The following RYR2 variants were observed in gnomAD, a reference collection of about 807,000 sequenced individuals.
RYR2 encodes cardiac muscle ryanodine receptor-calcium release channel.
In RYR2, 227 loss-of-function variants were observed where a neutral mutation model predicts 601.1. The observed-to-expected ratio is 0.38, with a 90% confidence interval of 0.34 to 0.42. The LOEUF (loss-of-function observed/expected upper bound fraction) is 0.42, where lower values mean the gene tolerates loss of function less well. RYR2 is among the 10% of genes least tolerant of loss of function. The pLI is 1.00. For synonymous variants in RYR2, 2,223 were observed against 2,175.1 expected, an observed-to-expected ratio of 1.02 and a Z score of -0.61; for missense variants, 4,646 against 6,156.5, an observed-to-expected ratio of 0.75 and a Z score of 8.21.
At chr1:237,483,680 C>T (rs1038270495) in intron 17 of RYR2, among the ~76,000 whole-genome samples, 2 of 152,268 alleles carry the variant, frequency 1.3e-5, no homozygotes, top group African/African-American at 2.4e-5. Context: ...ATGCAAATGT[C>T]GTTCATGTTC....
chr1:237,787,861 A>C, intron 91 of RYR2, 127 bp from the exon 92 acceptor site: 1 of 871,860 alleles, frequency 1.1e-6, no homozygotes. Flanking sequence ...CATTCACCGG[A>C]AAAGAAATTA....
In RYR2 at chr1:237,660,830, G is replaced by C; in HGVS notation, c.8319G>C (p.Trp2773Cys). 6.5e-7 allele frequency: 1 copy of C among 1,543,378 alleles called. No homozygotes were observed. Among genetic ancestry groups the C allele is most frequent in the Non-Finnish European group, 8.8e-7 (1 of 1,142,116 alleles). Residue 2773 changes from tryptophan to cysteine, a missense_variant, in exon 56 of 105, where the codon TGG (tryptophan) becomes TGC (cysteine). Physicochemically the swap from Trp to Cys is radical, Grantham distance 215 (BLOSUM62 -2). Transcript: ENST00000366574. ...TCTAGGAAAAAGAAATTTATCGCTG[G>C]CCAATCAAAGAATCTTTAAAAACTA... ...LSEKEKEIYR[W>C]PIKESLKTML...
chr1:237,420,870 T>A (rs1325665487), intron 11 of RYR2, among the ~76,000 whole-genome samples: 1 of 151,192 alleles, frequency 6.6e-6, no homozygotes, highest in Non-Finnish European at 1.5e-5. Context: ...TTCATTGTTT[T>A]TCCAAATAAT....
chr1:237,365,957 T>C (rs1700160635), intron 5 of RYR2, among the ~76,000 whole-genome samples: 1 of 152,226 alleles, frequency 6.6e-6, no homozygotes, highest in Admixed American at 6.5e-5. Context: ...AGGCCAATAG[T>C]TATTTTCACA....
chr1:237,668,868 A>G (rs1684559760), intron 58 of RYR2, among the ~76,000 whole-genome samples: 1 of 152,148 alleles, frequency 6.6e-6, no homozygotes, highest in African/African-American at 2.4e-5. Context: ...AAGATTCCAC[A>G]TTTTATTTTT....
At chr1:237,391,878 A>G (rs1168339089) in intron 10 of RYR2, among the ~76,000 whole-genome samples, 1 of 152,108 alleles carries the variant, frequency 6.6e-6, no homozygotes, top group Non-Finnish European at 1.5e-5. Context: ...CTAAATATTT[A>G]TCTTTTTCTC....
At chr1:237,113,702 A>G (rs1383109713) in intron 1 of RYR2, among the ~76,000 whole-genome samples, 1 of 152,178 alleles carries the variant, frequency 6.6e-6, no homozygotes, top group African/African-American at 2.4e-5. Context: ...TTGTGAGAAA[A>G]GAGATAAGAA....
rs1553332440 is a variant in RYR2, at chr1:237,180,624, G to GTATATGTGTA, written c.49-89865_49-89856dup. ...TATATATATGTATATATGTATATATGTATATGTGTATATATGTATATGTAT... is the reference window on the plus strand; with the variant it reads ...TATATATATGTATATATGTATATATGTATATGTGTATATATGTGTATATATGTATATGTAT... On this transcript the variant is annotated intron_variant, in intron 1 of 104. Coordinates refer to ENST00000366574, the MANE Select transcript of RYR2 (RefSeq NM_001035.3). The surrounding 1 kb of genome is among the most constrained non-coding windows in gnomAD (Gnocchi z 5.3). Among the ~76,000 whole-genome samples, 68,803 of 122,928 alleles carry GTATATGTGTA rather than the reference G, an allele frequency of 0.56. 17,143 individuals carry two copies. The highest frequency in any genetic ancestry group is 0.62 in the Admixed American group (7,301 of 11,722). The allele number at this position is 122,928 out of a possible 152,430, so 80.6% of individuals were successfully genotyped here. A position where few individuals can be genotyped will look rare whatever the true frequency, so the allele number is the denominator to read the frequency against.
At chr1:237,659,098 T>C (rs986156723) in intron 54 of RYR2, among the ~76,000 whole-genome samples, 16 of 152,200 alleles carry the variant, frequency 1.1e-4, no homozygotes, top group Non-Finnish European at 2.2e-4. Context: ...CACCAAAGGT[T>C]GCTTCCAGAG....
At chr1:237,190,710 G>C (rs1679882906) in intron 1 of RYR2, among the ~76,000 whole-genome samples, 1 of 152,226 alleles carries the variant, frequency 6.6e-6, no homozygotes, top group Admixed American at 6.5e-5. Context: ...GTATACAGGA[G>C]AATGTGCATA....
intron 12 of RYR2, among the ~76,000 whole-genome samples, chr1:237,429,916 G>A (rs12123446): frequency 0.14 from 21,293 of 151,712 alleles, 1,721 homozygotes; most frequent in East Asian, 0.24. Context: ...TTGCAATAAA[G>A]ATTATTCTAT....
chr1:237,063,234 C>A (rs1021697634), intron 1 of RYR2, among the ~76,000 whole-genome samples: 1 of 152,222 alleles, frequency 6.6e-6, no homozygotes, highest in African/African-American at 2.4e-5. Flanking sequence ...TAATCTCACA[C>A]TTCCCAGCCT....
chr1:237,798,986 CAT>C (rs1340083084), intron 97 of RYR2, among the ~76,000 whole-genome samples: 2 of 152,144 alleles, frequency 1.3e-5, no homozygotes, highest in Non-Finnish European at 2.9e-5. Context: ...ACTTTGAAAA[CAT>C]ATTTCTGGTT....
chr1:237,594,552 A>C (rs1369506489), intron 33 of RYR2, among the ~76,000 whole-genome samples: 1 of 152,220 alleles, frequency 6.6e-6, no homozygotes, highest in African/African-American at 2.4e-5. Context: ...CAACAGTATA[A>C]GTAAAGAACT....
At chr1:237,177,627 T>C (rs895000860) in intron 1 of RYR2, among the ~76,000 whole-genome samples, 1 of 152,246 alleles carries the variant, frequency 6.6e-6, no homozygotes, top group African/African-American at 2.4e-5. Context: ...TTTATAGCTA[T>C]AGATCATTTA....
At chr1:237,081,438 A>G (rs924375941) in intron 1 of RYR2, among the ~76,000 whole-genome samples, 24 of 152,062 alleles carry the variant, frequency 1.6e-4, no homozygotes, top group South Asian at 1.3e-3. Flanking sequence ...CAGGTTCTAA[A>G]GGGACAACCA....
At chr1:237,066,011 C>G (rs1663563139) in intron 1 of RYR2, among the ~76,000 whole-genome samples, 1 of 152,198 alleles carries the variant, frequency 6.6e-6, no homozygotes, top group African/African-American at 2.4e-5. Flanking sequence ...CCCAACCAGA[C>G]CCCACCTCCA....
chr1:237,514,285 G>A (rs970838201), intron 24 of RYR2, among the ~76,000 whole-genome samples: 1 of 152,182 alleles, frequency 6.6e-6, no homozygotes, highest in Non-Finnish European at 1.5e-5. Context: ...CTGGACTGTA[G>A]AAATCTCTGT....
At chr1:237,555,875 C>T (rs1206063282) in intron 27 of RYR2, among the ~76,000 whole-genome samples, 1 of 152,062 alleles carries the variant, frequency 6.6e-6, no homozygotes, top group African/African-American at 2.4e-5. Context: ...AAAAGGAGTA[C>T]AGTTTCCCCT....
Sources: gnomAD v4.1 joint callset for allele counts (sites outside exome capture counted in the v4.1 genomes callset) on GRCh38, gnomAD v4.1.1 for gene constraint, Gnocchi (gnomAD v3.1) non-coding constraint, MANE v1.5 for transcripts, NCBI Gene and HGNC (gene_info 2026-07-23, HGNC 2026-07-21) for gene names.